Variants in SHANK2 observed in about 807,000 individuals in gnomAD.
SHANK2 encodes the protein SH3 and multiple ankyrin repeat domains protein 2.
A neutral mutation model predicts 133.7 loss-of-function variants in SHANK2; 43 were observed. The ratio of observed to expected loss-of-function variants is 0.32; its 90% CI spans 0.25 to 0.41. SHANK2 has a LOEUF of 0.41. SHANK2 is among the 10% of genes least tolerant of loss of function. The pLI, the probability that SHANK2 is intolerant of heterozygous loss-of-function variation, is 1.00. For missense variants in SHANK2, 1,994 were observed against 2,235.8 expected (o/e 0.89, Z 2.18); for synonymous variants, 1,017 against 952.8 (o/e 1.07, Z -1.24).
intron 17 of SHANK2, among the ~76,000 whole-genome samples, chr11:70,577,513 C>A (rs889434019): frequency 1.3e-5 from 2 of 152,198 alleles, no homozygotes; most frequent in South Asian, 2.1e-4. Context: ...AGGTAACAGG[C>A]GTGGGGTCCT....
At chr11:70,953,458 C>T (rs1437811141) in intron 10 of SHANK2, among the ~76,000 whole-genome samples, 1 of 152,072 alleles carries the variant, frequency 6.6e-6, no homozygotes, top group African/African-American at 2.4e-5. Context: ...GACAGTGCAG[C>T]CTTCAGTCTG....
At chr11:70,633,272 T>TTA (rs1267782156) in intron 17 of SHANK2, among the ~76,000 whole-genome samples, 6 of 148,610 alleles carry the variant, frequency 4.0e-5, no homozygotes, top group African/African-American at 9.8e-5. Flanking sequence ...ATAAGTATAT[T>TTA]TATATATATA....
intron 17 of SHANK2, among the ~76,000 whole-genome samples, chr11:70,598,695 A>C (rs1554990050): frequency 6.6e-6 from 1 of 152,256 alleles, no homozygotes; most frequent in African/African-American, 2.4e-5. Flanking sequence ...GGAATTTGGC[A>C]ACATATTAAA....
intron 14 of SHANK2, among the ~76,000 whole-genome samples, chr11:70,787,141 GATCACCACCACCAGC>G (rs1452444337): frequency 3.0e-4 from 19 of 62,810 alleles, no homozygotes; most frequent in Admixed American, 6.5e-4. Flanking sequence ...CCATCACCAA[GATCACCACCACCAGC>G]ATCACCACCA....
chr11:70,770,035 C>A (rs1947213300), intron 14 of SHANK2, among the ~76,000 whole-genome samples: 1 of 152,224 alleles, frequency 6.6e-6, no homozygotes. Flanking sequence ...TGAGCATGTA[C>A]CTTCCCAGTG....
intron 11 of SHANK2, among the ~76,000 whole-genome samples, chr11:70,840,388 AG>A (rs1236609602): frequency 6.6e-6 from 1 of 152,152 alleles, no homozygotes. Flanking sequence ...AGCTCCCTGG[AG>A]CCTCAGTTTC....
At chr11:70,717,607 G>A (rs886375719) in intron 14 of SHANK2, among the ~76,000 whole-genome samples, 8 of 152,060 alleles carry the variant, frequency 5.3e-5, no homozygotes, top group African/African-American at 1.7e-4. Context: ...CGGTCCTCCC[G>A]TCCCCGCAGC....
chr11:70,806,442 C>G (rs1289272637), intron 13 of SHANK2, among the ~76,000 whole-genome samples: 2 of 152,246 alleles, frequency 1.3e-5, no homozygotes, highest in Non-Finnish European at 2.9e-5. Flanking sequence ...TGGGCAGAAA[C>G]CATCACTGGC....
At chr11:70,544,136 C>T (rs1208830676) in intron 17 of SHANK2, among the ~76,000 whole-genome samples, 1 of 152,134 alleles carries the variant, frequency 6.6e-6, no homozygotes, top group Non-Finnish European at 1.5e-5. Context: ...AAAACCCAAC[C>T]CTGACCTCCC....
At chr11:70,604,209 C>T (rs1287506082) in intron 17 of SHANK2, 1 of 152,298 alleles carries the variant, frequency 6.6e-6, no homozygotes, top group Non-Finnish European at 1.5e-5. Context: ...GAAGGGCTCT[C>T]TCACCCATGG....
intron 17 of SHANK2, among the ~76,000 whole-genome samples, chr11:70,618,723 C>T (rs576200571): frequency 1.3e-5 from 2 of 152,322 alleles, no homozygotes; most frequent in East Asian, 1.9e-4. Flanking sequence ...AAACCCTGGC[C>T]GCCGCTTACC....
chr11:70,698,840 G>C, intron 14 of SHANK2, 77 bp from the exon 15 acceptor site: 1 of 716,236 alleles, frequency 1.4e-6, no homozygotes, highest in South Asian at 1.5e-5. Flanking sequence ...ACATGAGGCT[G>C]GTGGGCCCTC....
intron 17 of SHANK2, among the ~76,000 whole-genome samples, chr11:70,589,236 A>T (rs1425672472): frequency 2.0e-5 from 3 of 152,248 alleles, no homozygotes; most frequent in Non-Finnish European, 4.4e-5. Context: ...GGGCTAGTAC[A>T]GCTGGTGACT....
Position 70,693,004 on chromosome 11 carries a change from C to T in SHANK2, c.1853+5684G>A, listed in dbSNP as rs146139707. On this transcript the variant is annotated intron_variant, in intron 15 of 25. Transcript: ENST00000601538. ...AGGATGTGCCTCTGGGAGCTCCTCC[C>T]GGCAAAAACGAAGAGAAGGTGAGAA... is the stretch of plus-strand genomic sequence containing the variant. 3.0e-4 allele frequency among the ~76,000 whole-genome samples: 45 copies of T among 152,286 alleles called. 1 individual carries two copies. The highest frequency in any genetic ancestry group is 2.1e-3 in the East Asian group (11 of 5,182).
At chr11:70,652,717 G>T (rs1220661545) in intron 17 of SHANK2, among the ~76,000 whole-genome samples, 1 of 152,136 alleles carries the variant, frequency 6.6e-6, no homozygotes, top group Admixed American at 6.5e-5. Flanking sequence ...AGGCTGAGGT[G>T]GGAGGATCTT....
At chr11:70,753,190 A>C (rs1555037825) in intron 14 of SHANK2, among the ~76,000 whole-genome samples, 1 of 151,996 alleles carries the variant, frequency 6.6e-6, no homozygotes, top group Non-Finnish European at 1.5e-5. Context: ...AAAAAAACAA[A>C]AAACAAACAA....
At chr11:70,708,627 T>C (rs1051733747) in intron 14 of SHANK2, among the ~76,000 whole-genome samples, 1 of 152,182 alleles carries the variant, frequency 6.6e-6, no homozygotes, top group South Asian at 2.1e-4. Context: ...CCAAGGACCT[T>C]AAGGCTGACT....
At chr11:70,875,264 C>T (rs1307938318) in intron 11 of SHANK2, among the ~76,000 whole-genome samples, 1 of 152,092 alleles carries the variant, frequency 6.6e-6, no homozygotes, top group Non-Finnish European at 1.5e-5. Context: ...CTGGGGCAGA[C>T]AGCGTCACTC....
chr11:71,111,250 C>A lies in SHANK2; in HGVS notation c.484-1201G>T, dbSNP rs548546385. ...TTTTCCAATCTCCAGTTTCCAGGAC[C>A]CACCTCCTGCCTCCATCCCCAGGGA... is the stretch of plus-strand genomic sequence containing the variant. On this transcript the variant is annotated intron_variant, in intron 5 of 25. Coordinates refer to ENST00000601538, the MANE Select transcript of SHANK2 (RefSeq NM_012309.5). 1.2e-4 allele frequency among the ~76,000 whole-genome samples: 19 copies of A among 152,338 alleles called. No homozygotes were observed. In the South Asian group the frequency reaches 3.9e-3, roughly 32 times the overall value.
Sources: allele counts gnomAD v4.1 joint callset (sites outside exome capture counted in the v4.1 genomes callset), GRCh38; gene constraint gnomAD v4.1.1; transcripts MANE v1.5; gene names NCBI Gene and HGNC (gene_info 2026-07-23, HGNC 2026-07-21).